Variants in PLCB1 observed in about 807,000 individuals in gnomAD.
PLCB1 encodes phospholipase C beta 1, also known as 1-phosphatidylinositol 4,5-bisphosphate phosphodiesterase beta-1.
Under a neutral mutation model 161.8 loss-of-function variants are expected in PLCB1, and 46 were observed. The observed-to-expected ratio is 0.28, with a 90% CI of 0.22 to 0.36. PLCB1 has a LOEUF of 0.36. Among genes scored for constraint, PLCB1 ranks in the 10% least tolerant of loss-of-function variants. The probability of loss-of-function intolerance (pLI) is 1.00; values close to 1 mark genes in which losing one functional copy is unlikely to be tolerated. For synonymous variants in PLCB1, 517 were observed against 503.7 expected (o/e 1.03, Z -0.35); for missense variants, 1,016 against 1,472.5 (o/e 0.69, Z 5.07).
At chr20:8,611,627 T>A (rs1987906543) in intron 3 of PLCB1, among the ~76,000 whole-genome samples, 1 of 152,152 alleles carries the variant, frequency 6.6e-6, no homozygotes, top group Non-Finnish European at 1.5e-5. Flanking sequence ...CCAGGAGGCC[T>A]AGTAATATCA....
chr20:8,180,069 A>G (rs1013871270), intron 2 of PLCB1, among the ~76,000 whole-genome samples: 15 of 151,856 alleles, frequency 9.9e-5, no homozygotes, highest in African/African-American at 2.7e-4. Flanking sequence ...CGTTTTAGCC[A>G]GGATGGTCTC....
intron 3 of PLCB1, chr20:8,624,014 C>T (rs756321440): frequency 2.6e-5 from 4 of 152,154 alleles, no homozygotes; most frequent in Non-Finnish European, 5.9e-5. Flanking sequence ...TGATGGGAAA[C>T]CAGCCTGGAC....
chr20:8,299,607 A>G (rs1014751757), intron 2 of PLCB1, among the ~76,000 whole-genome samples: 11 of 152,260 alleles, frequency 7.2e-5, no homozygotes, highest in Admixed American at 6.5e-4. Context: ...TTTCTCATGC[A>G]CCCTGATTTC....
rs150603694 is a variant in PLCB1, at chr20:8,338,457, TG to T, written c.178-32922del. Among the ~76,000 whole-genome samples the T allele has an allele frequency of 3.0e-3, 450 of 152,336 alleles. 2 individuals carry two copies. Among genetic ancestry groups the T allele is most frequent in the African/African-American group, 0.01 (423 of 41,568 alleles). ...TGTTAAATAGAAAGGGCACCTCTGA[TG>T]GGTATTCTCTGTTTCATTGATTCTT... On this transcript the variant is annotated intron_variant, in intron 2 of 31. Transcript: ENST00000338037.
chr20:8,396,697 G>T (rs1461026391), intron 3 of PLCB1, among the ~76,000 whole-genome samples: 1 of 151,964 alleles, frequency 6.6e-6, no homozygotes, highest in Non-Finnish European at 1.5e-5. Context: ...TGCCTTCGTG[G>T]TTTAGTAATT....
chr20:8,548,123 CT>C (rs201939166), intron 3 of PLCB1, among the ~76,000 whole-genome samples: 3 of 149,600 alleles, frequency 2.0e-5, no homozygotes, highest in African/African-American at 4.9e-5. Context: ...CCTTCCTTTT[CT>C]TTTTTTCCAT....
intron 3 of PLCB1, among the ~76,000 whole-genome samples, chr20:8,570,697 G>C (rs2103653): frequency 1.1e-5 from 1 of 88,390 alleles, no homozygotes; most frequent in East Asian, 2.5e-4. Context: ...CTGATCTCAC[G>C]GAGCTGAAAT....
At chr20:8,334,452 G>A (rs1420282624) in intron 2 of PLCB1, among the ~76,000 whole-genome samples, 1 of 152,014 alleles carries the variant, frequency 6.6e-6, no homozygotes, top group African/African-American at 2.4e-5. Context: ...TTCCTTCCCC[G>A]GACTTCATAA....
At chr20:8,753,651 ACT>A (rs1981594888) in intron 23 of PLCB1, among the ~76,000 whole-genome samples, 1 of 152,018 alleles carries the variant, frequency 6.6e-6, no homozygotes, top group African/African-American at 2.4e-5. Flanking sequence ...TTCCAGGCAA[ACT>A]CTGCTCCTCC....
At chr20:8,867,812 A>G (rs963902389) in intron 31 of PLCB1, among the ~76,000 whole-genome samples, 2 of 152,138 alleles carry the variant, frequency 1.3e-5, no homozygotes, top group African/African-American at 4.8e-5. Context: ...CTTATACCAG[A>G]TCTCATTCAC....
At chr20:8,466,589 CCTATAATCAG>C (rs1981836611) in intron 3 of PLCB1, among the ~76,000 whole-genome samples, 1 of 152,056 alleles carries the variant, frequency 6.6e-6, no homozygotes, top group Non-Finnish European at 1.5e-5. Flanking sequence ...AACAATTGAG[CCTATAATCAG>C]CTAAATCCAA....
intron 2 of PLCB1, among the ~76,000 whole-genome samples, chr20:8,213,815 G>A (rs1270569775): frequency 2.6e-5 from 4 of 151,888 alleles, no homozygotes; most frequent in Non-Finnish European, 4.4e-5. Flanking sequence ...TGTATGACTT[G>A]TAAGCAGATT....
chr20:8,833,659 C>G (rs1212978865), intron 31 of PLCB1, among the ~76,000 whole-genome samples: 2 of 152,140 alleles, frequency 1.3e-5, no homozygotes, highest in Non-Finnish European at 2.9e-5. Flanking sequence ...ACTGATTCCC[C>G]CAAAGGAGTG....
At chr20:8,503,156 A>G (rs1198806368) in intron 3 of PLCB1, among the ~76,000 whole-genome samples, 2 of 152,176 alleles carry the variant, frequency 1.3e-5, no homozygotes, top group Non-Finnish European at 2.9e-5. Context: ...AGTGAACCAC[A>G]AAGGCCACCA....
At chr20:8,690,297 A>T (rs1206671327) in intron 10 of PLCB1, among the ~76,000 whole-genome samples, 1 of 152,120 alleles carries the variant, frequency 6.6e-6, no homozygotes, top group Non-Finnish European at 1.5e-5. Flanking sequence ...GTGTTACAAC[A>T]GAGAAAGTTT....
intron 27 of PLCB1, among the ~76,000 whole-genome samples, chr20:8,784,598 G>A (rs1051090206): frequency 1.3e-5 from 2 of 151,958 alleles, no homozygotes; most frequent in South Asian, 2.1e-4. Context: ...GCAGAGGTGG[G>A]GCTGTGTAGT....
chr20:8,165,846 C>A (rs1480226622), intron 2 of PLCB1, among the ~76,000 whole-genome samples: 2 of 152,112 alleles, frequency 1.3e-5, no homozygotes, highest in Admixed American at 6.6e-5. Flanking sequence ...GTGACCTCTG[C>A]CTCCTGGAGA....
intron 2 of PLCB1, among the ~76,000 whole-genome samples, chr20:8,254,803 C>T (rs1446031067): frequency 6.6e-6 from 1 of 152,014 alleles, no homozygotes; most frequent in African/African-American, 2.4e-5. Flanking sequence ...AAAATGGTGT[C>T]ATATGTCTTA....
intron 3 of PLCB1, among the ~76,000 whole-genome samples, chr20:8,544,972 A>T (rs1040261220): frequency 1.3e-5 from 2 of 152,302 alleles, no homozygotes; most frequent in Non-Finnish European, 2.9e-5. Context: ...TCTGCTACTG[A>T]GTGAAGCATG....
Sources: gnomAD v4.1 joint callset for allele counts (sites outside exome capture counted in the v4.1 genomes callset) on GRCh38, gnomAD v4.1.1 for gene constraint, MANE v1.5 for transcripts, NCBI Gene and HGNC (gene_info 2026-07-23, HGNC 2026-07-21) for gene names.